Variants in OTUD4 observed in about 807,000 individuals in gnomAD.
OTUD4 encodes OTU deubiquitinase 4, also known as OTU domain-containing protein 4.
OTUD4 carries 24 observed loss-of-function variants against 130.4 expected under a neutral mutation model. The ratio of observed to expected loss-of-function variants is 0.18; its 90% CI spans 0.13 to 0.26. OTUD4 has a LOEUF of 0.26. OTUD4 is among the 10% of genes least tolerant of loss of function. The pLI, the probability that OTUD4 is intolerant of heterozygous loss-of-function variation, is 1.00. For missense variants in OTUD4, 1,031 were observed against 1,329.4 expected (o/e 0.78, Z 3.49); for synonymous variants, 420 against 472.5 (o/e 0.89, Z 1.44).
intron 2 of OTUD4, among the ~76,000 whole-genome samples, chr4:145,174,028 GAC>G (rs1260662549): frequency 4.6e-5 from 6 of 129,638 alleles, no homozygotes; most frequent in African/African-American, 1.9e-4. Context: ...TTTTTTTTGA[GAC>G]AGAGTCTCAC....
At chr4:145,179,550 G>A (rs1421455486) in intron 1 of OTUD4, 2 of 1,199,174 alleles carry the variant, frequency 1.7e-6, no homozygotes, top group Non-Finnish European at 1.1e-6. Context: ...GCTCCGAGCA[G>A]GCCTCACAAG....
chr4:145,154,376 C>A (rs1751189581), intron 10 of OTUD4, among the ~76,000 whole-genome samples: 1 of 152,192 alleles, frequency 6.6e-6, no homozygotes, highest in Non-Finnish European at 1.5e-5. Flanking sequence ...AAAATCCTGG[C>A]TAATCAGATG....
chr4:145,143,176 CATAA>C lies in OTUD4; in HGVS notation c.1683+185_1683+188del, dbSNP rs202030972. 3.2e-4 allele frequency among the ~76,000 whole-genome samples: 49 copies of C among 152,116 alleles called. No homozygotes were observed. In the East Asian group the frequency reaches 4.8e-3, roughly 15 times the overall value. ...AATGGTGGTTATTTCTATAACATTC[CATAA>C]ATAGAGAACATTCTAGACTAACATC... On this transcript the variant is annotated intron_variant, in intron 17 of 20. Transcript: ENST00000447906.
chr4:145,140,053 C>T (rs762546464), intron 19 of OTUD4, 62 bp from the exon 20 acceptor site: 201 of 546,852 alleles, frequency 3.7e-4, no homozygotes, highest in Non-Finnish European at 4.9e-4. Context: ...TTAAATCATC[C>T]TCATTAAATA....
At chr4:145,150,216 C>G (rs182638953) in intron 13 of OTUD4, among the ~76,000 whole-genome samples, 2 of 152,286 alleles carry the variant, frequency 1.3e-5, no homozygotes, top group Admixed American at 6.5e-5. Context: ...TACCATATTA[C>G]AAGCCACCAG....
Position 145,146,307 on chromosome 4 carries a change from T to G in OTUD4, c.1382A>C (p.Glu461Ala). 3.8e-6 allele frequency: 6 copies of G among 1,586,320 alleles called. No individual in the cohort carries two copies. Among genetic ancestry groups the G allele is most frequent in the Non-Finnish European group, 5.1e-6 (6 of 1,169,696 alleles). ...QAIEESRLLYEIQNRDEQAFP... is the reference protein window; with the variant it reads ...QAIEESRLLYAIQNRDEQAFP... ...AGCCTGTTCATCTCTGTTCTGAATC[T>G]CATAGAGTAAACGGGATTCTTCTAT... Residue 461 changes from glutamate to alanine, a missense_variant, in exon 14 of 21, where the codon GAG becomes GCG. Transcript: ENST00000447906.
Position 145,141,425 on chromosome 4 carries a change from A to G in OTUD4, c.2037T>C (p.Ile679=). 1 of 1,613,728 alleles carries G rather than the reference A, an allele frequency of 6.2e-7. No individual in the cohort carries two copies. The highest frequency in any genetic ancestry group is 8.5e-7 in the Non-Finnish European group (1 of 1,179,752). Reference sequence around the variant, plus strand: ...TCTGACACAGTGAATAAGGTGGTACAATGGCTCGATCTCCCTTTTCATTAC... The same window carrying G: ...TCTGACACAGTGAATAAGGTGGTACGATGGCTCGATCTCCCTTTTCATTAC... ...FPCNEKGDRA[I]VPPYSLCQTG... is the part of the protein sequence containing the mutation. The change falls in exon 19 of 21, where the codon ATT becomes ATC. Residue 679 remains isoleucine, a synonymous_variant. Coordinates refer to ENST00000447906, the MANE Select transcript of OTUD4 (RefSeq NM_001366057.1).
chr4:145,153,149 CCTACCTAAAAGAAAGA>C (rs1297376209), intron 10 of OTUD4, among the ~76,000 whole-genome samples: 1 of 152,202 alleles, frequency 6.6e-6, no homozygotes, highest in Non-Finnish European at 1.5e-5. Flanking sequence ...CTCCATATCT[CCTACCTAAAAGAAAGA>C]AAACCTTTTC....
At chr4:145,142,482 G>A in intron 17 of OTUD4, 148 bp from the exon 18 acceptor site, 2 of 665,734 alleles carry the variant, frequency 3.0e-6, no homozygotes, top group Non-Finnish European at 5.1e-6. Context: ...AGAAATGTAA[G>A]AAAAACACAC....
At position 145,153,896 on chromosome 4, in the gene OTUD4, T is replaced by C. The variant is rs866065411; in HGVS notation, c.874-1261A>G. 3.9e-5 allele frequency among the ~76,000 whole-genome samples: 6 copies of C among 152,360 alleles called. 1 individual carries two copies. The highest frequency in any genetic ancestry group is 7.2e-5 in the African/African-American group (3 of 41,588). ...AAAGTTTAAACTACATCTTACACAC[T>C]TGAGTAAACAAATCACCTTAGAGTC... is the stretch of plus-strand genomic sequence containing the variant. On this transcript the variant is annotated intron_variant, in intron 10 of 20. Transcript: ENST00000447906.
intron 3 of OTUD4, among the ~76,000 whole-genome samples, chr4:145,165,544 C>T (rs1259166251): frequency 6.6e-6 from 1 of 151,878 alleles, no homozygotes; most frequent in African/African-American, 2.4e-5. Flanking sequence ...GCGGCGTGAT[C>T]TCGGCTCACC....
rs1202609819 is a variant in OTUD4 at position 145,135,618 on chromosome 4, A to C, written c.*1812T>G. On this transcript the variant is annotated 3_prime_UTR_variant, in exon 21 of 21. Transcript: ENST00000447906. ...GGTACCTTCAACAACTATTCTAGTT[A>C]AGAAGGTGACAACAAATTCCTTTCA... 2.6e-5 allele frequency: 4 copies of C among 152,644 alleles called. No homozygotes were observed. Among genetic ancestry groups the C allele is most frequent in the Non-Finnish European group, 2.9e-5 (2 of 68,046 alleles). The allele number at this position is 152,644 out of a possible 1,614,324, so 9.5% of individuals were successfully genotyped here.
chr4:145,176,298 A>T (rs576926638), intron 1 of OTUD4, among the ~76,000 whole-genome samples: 32 of 145,594 alleles, frequency 2.2e-4, no homozygotes, highest in Middle Eastern at 7.0e-3. Flanking sequence ...GTTATGGTTT[A>T]AAAAAAAAAA....
At chr4:145,146,769 A>AT (rs1270532407) in intron 13 of OTUD4, among the ~76,000 whole-genome samples, 34 of 152,344 alleles carry the variant, frequency 2.2e-4, no homozygotes, top group African/African-American at 8.2e-4. Flanking sequence ...TATACTTGTT[A>AT]TACCATATTC....
intron 12 of OTUD4, 34 bp downstream of exon 12, chr4:145,150,768 A>G (rs912803351): frequency 1.2e-6 from 2 of 1,604,606 alleles, no homozygotes; most frequent in Non-Finnish European, 1.7e-6. Context: ...CATCATCCCA[A>G]TCCCAAAGGA....
chr4:145,171,582 C>T, intron 3 of OTUD4, 88 bp downstream of exon 3: 1 of 698,666 alleles, frequency 1.4e-6, no homozygotes, highest in Non-Finnish European at 2.6e-6. Flanking sequence ...CCTCTATACA[C>T]TGTAATAGTA....
chr4:145,146,473 A>C (rs749698009), intron 13 of OTUD4, 44 bp from the exon 14 acceptor site: 1 of 1,049,938 alleles, frequency 9.5e-7, no homozygotes, highest in Non-Finnish European at 1.3e-6. Flanking sequence ...TAAATAAATA[A>C]ATAAATAAAT....
chr4:145,154,734 G>C (rs555778529), intron 10 of OTUD4, among the ~76,000 whole-genome samples: 22 of 151,584 alleles, frequency 1.5e-4, no homozygotes, highest in Admixed American at 1.3e-3. Flanking sequence ...GTCCATTGTA[G>C]AATGTTTGGC....
At chr4:145,163,014 CTG>C (rs1241077848) in intron 5 of OTUD4, among the ~76,000 whole-genome samples, 1 of 152,158 alleles carries the variant, frequency 6.6e-6, no homozygotes, top group Admixed American at 6.5e-5. Context: ...GAACAAGACA[CTG>C]TAAGAAAATA....
Sources: gnomAD v4.1 joint callset for allele counts (sites outside exome capture counted in the v4.1 genomes callset) on GRCh38, gnomAD v4.1.1 for gene constraint, MANE v1.5 for transcripts, NCBI Gene and HGNC (gene_info 2026-07-23, HGNC 2026-07-21) for gene names.